The following SGCZ variants were observed in gnomAD, a reference collection of about 807,000 sequenced individuals.
SGCZ encodes the protein sarcoglycan zeta.
In SGCZ, 40 loss-of-function variants were observed where a neutral mutation model predicts 41.3. The ratio of observed to expected loss-of-function variants is 0.97; its 90% confidence interval spans 0.75 to 1.26. The LOEUF (loss-of-function observed/expected upper bound fraction) is 1.26, where lower values mean the gene tolerates loss of function less well. SGCZ is among the 50% of genes most tolerant of loss of function. The pLI, the probability that SGCZ is intolerant of heterozygous loss-of-function variation, is 0.00. For synonymous variants in SGCZ, 206 were observed against 137.5 expected (o/e 1.50, Z -3.49); for missense variants, 552 against 369.8 (o/e 1.49, Z -4.04).
At chr8:14,407,911 TCTC>T (rs1799255175) in intron 2 of SGCZ, among the ~76,000 whole-genome samples, 1 of 152,122 alleles carries the variant, frequency 6.6e-6, no homozygotes, top group Non-Finnish European at 1.5e-5. Context: ...ACCTCTTGAG[TCTC>T]ACGTTTTTGC....
chr8:15,101,422 T>C (rs545951698), intron 1 of SGCZ, among the ~76,000 whole-genome samples: 6 of 151,782 alleles, frequency 4.0e-5, no homozygotes, highest in Non-Finnish European at 8.8e-5. Context: ...AACTGAGAAA[T>C]AGGCAAAAAA....
intron 2 of SGCZ, among the ~76,000 whole-genome samples, chr8:14,386,271 C>G (rs1395897334): frequency 2.0e-5 from 3 of 146,370 alleles, no homozygotes; most frequent in Non-Finnish European, 4.5e-5. Flanking sequence ...ACTTCAGTAT[C>G]AATGATAAAA....
chr8:14,962,374 A>G (rs982478416), intron 1 of SGCZ, among the ~76,000 whole-genome samples: 1 of 146,968 alleles, frequency 6.8e-6, no homozygotes, highest in Non-Finnish European at 1.5e-5. Flanking sequence ...AAAAAGTCAA[A>G]TCAAGGTAAT....
chr8:14,851,998 C>G (rs1007639400), intron 1 of SGCZ, among the ~76,000 whole-genome samples: 1 of 152,034 alleles, frequency 6.6e-6, no homozygotes, highest in Non-Finnish European at 1.5e-5. Flanking sequence ...TTGTTTTTTT[C>G]CTTTCTAGGA....
chr8:14,984,933 G>A (rs767512133), intron 1 of SGCZ, among the ~76,000 whole-genome samples: 1 of 25,404 alleles, frequency 3.9e-5, no homozygotes, highest in Non-Finnish European at 3.0e-4. Context: ...CTTTTTTTGT[G>A]GATTTTTCTG....
At chr8:14,163,227 G>T (rs1384249096) in intron 5 of SGCZ, among the ~76,000 whole-genome samples, 1 of 152,090 alleles carries the variant, frequency 6.6e-6, no homozygotes. Flanking sequence ...AGGTAAACTT[G>T]TGTCGTGGGG....
intron 1 of SGCZ, among the ~76,000 whole-genome samples, chr8:15,200,897 C>T (rs1800869601): frequency 6.6e-6 from 1 of 152,190 alleles, no homozygotes; most frequent in Admixed American, 6.5e-5. Flanking sequence ...CTAATCAAAA[C>T]TCAAATTGAA....
intron 1 of SGCZ, among the ~76,000 whole-genome samples, chr8:15,004,661 T>C (rs913975473): frequency 6.6e-6 from 1 of 152,214 alleles, no homozygotes; most frequent in Non-Finnish European, 1.5e-5. Context: ...GTAAATTTTA[T>C]TTCTGGCTAA....
intron 5 of SGCZ, among the ~76,000 whole-genome samples, chr8:14,137,197 G>A (rs1436084814): frequency 6.6e-6 from 1 of 152,162 alleles, no homozygotes; most frequent in Non-Finnish European, 1.5e-5. Context: ...CCAAAGGTAG[G>A]TAGATAAAAC....
intron 5 of SGCZ, among the ~76,000 whole-genome samples, chr8:14,148,863 G>C (rs1231036561): frequency 1.3e-5 from 2 of 152,100 alleles, no homozygotes; most frequent in Non-Finnish European, 2.9e-5. Flanking sequence ...TTACCTCTGG[G>C]ATGCAAGGAT....
intron 1 of SGCZ, among the ~76,000 whole-genome samples, chr8:15,022,696 G>C (rs1037198413): frequency 6.6e-6 from 1 of 152,118 alleles, no homozygotes; most frequent in Non-Finnish European, 1.5e-5. Flanking sequence ...TACAGGATCA[G>C]TATGCTAGCA....
intron 1 of SGCZ, among the ~76,000 whole-genome samples, chr8:15,006,251 A>C (rs1802604103): frequency 6.6e-6 from 1 of 152,222 alleles, no homozygotes; most frequent in Non-Finnish European, 1.5e-5. Flanking sequence ...TCCAGAACGG[A>C]ATAGCAATGG....
chr8:14,203,001 G>C (rs974160107), intron 4 of SGCZ, among the ~76,000 whole-genome samples: 1 of 152,090 alleles, frequency 6.6e-6, no homozygotes, highest in African/African-American at 2.4e-5. Context: ...AGATACGATG[G>C]TTTTAAAAAT....
intron 1 of SGCZ, among the ~76,000 whole-genome samples, chr8:14,806,232 G>C (rs1801522283): frequency 6.6e-6 from 1 of 151,500 alleles, no homozygotes; most frequent in East Asian, 1.9e-4. Flanking sequence ...ACTAAAATCA[G>C]AGCAGAACTG....
At chr8:14,888,775 C>T (rs1186356990) in intron 1 of SGCZ, among the ~76,000 whole-genome samples, 2 of 152,126 alleles carry the variant, frequency 1.3e-5, no homozygotes, top group Non-Finnish European at 2.9e-5. Flanking sequence ...TGTCTATATA[C>T]ATTCATTTGT....
intron 1 of SGCZ, among the ~76,000 whole-genome samples, chr8:14,947,075 A>G (rs1313638065): frequency 6.6e-6 from 1 of 152,182 alleles, no homozygotes; most frequent in Non-Finnish European, 1.5e-5. Flanking sequence ...CCCATCTGAA[A>G]AAAAAGAAAA....
chr8:14,977,849 A>C (rs898513463), intron 1 of SGCZ, among the ~76,000 whole-genome samples: 1 of 151,800 alleles, frequency 6.6e-6, no homozygotes, highest in African/African-American at 2.4e-5. Context: ...ATCATGAACT[A>C]GTTATCAGGC....
chr8:14,275,254 G>A (rs1800189729), intron 3 of SGCZ, among the ~76,000 whole-genome samples: 1 of 152,138 alleles, frequency 6.6e-6, no homozygotes, highest in South Asian at 2.1e-4. Flanking sequence ...GAGACTGCAA[G>A]TTGGAATTCC....
chr8:15,213,794 A>G, intron 1 of SGCZ, among the ~76,000 whole-genome samples: 1 of 151,872 alleles, frequency 6.6e-6, no homozygotes, highest in East Asian at 1.9e-4. Flanking sequence ...GTAAACTTGT[A>G]ATTTATAATT....
Sources: gnomAD v4.1 joint callset for allele counts (sites outside exome capture counted in the v4.1 genomes callset) on GRCh38, gnomAD v4.1.1 for gene constraint, MANE v1.5 for transcripts, NCBI Gene and HGNC (gene_info 2026-07-23, HGNC 2026-07-21) for gene names.